PCDH11X: variants seen among roughly 807,000 people sequenced by gnomAD.
PCDH11X encodes protocadherin-11 X-linked.
In PCDH11X, 18 loss-of-function variants were observed where a neutral mutation model predicts 53.3. That is an observed-to-expected ratio of 0.34 (90% confidence interval 0.23 to 0.50). The LOEUF (loss-of-function observed/expected upper bound fraction) is 0.50. Among genes scored for constraint, PCDH11X ranks in the 20% least tolerant of loss-of-function variants. The pLI is 0.98. For missense variants in PCDH11X, 570 were observed against 1,032.4 expected (o/e 0.55, Z 6.14); for synonymous variants, 279 against 393.3 (o/e 0.71, Z 3.44).
chrX:92,121,567 G>A (rs1249805473), intron 6 of PCDH11X, among the ~76,000 whole-genome samples: 2 of 111,308 alleles, frequency 1.8e-5, no homozygotes, highest in Non-Finnish European at 3.8e-5. Context: ...TGCCATCAGT[G>A]CACACTTGTC....
chrX:92,476,113 T>A (rs1377849293), intron 10 of PCDH11X, among the ~76,000 whole-genome samples: 5 of 110,386 alleles, frequency 4.5e-5, no homozygotes, highest in Non-Finnish European at 9.5e-5. Context: ...AGTGAATGAG[T>A]CTCATGAGAT....
intron 8 of PCDH11X, among the ~76,000 whole-genome samples, chrX:92,331,329 TCTTC>T (rs1234321724): frequency 3.2e-5 from 3 of 92,787 alleles, no homozygotes; most frequent in Non-Finnish European, 6.3e-5. Context: ...CTCTTCTTCT[TCTTC>T]CTTCCTTCCT....
chrX:92,578,166 C>G (rs1923203871), intron 10 of PCDH11X, among the ~76,000 whole-genome samples: 1 of 91,212 alleles, frequency 1.1e-5, no homozygotes, highest in Non-Finnish European at 2.2e-5. Context: ...ACAATGAGAA[C>G]ACATGGACAC....
intron 10 of PCDH11X, among the ~76,000 whole-genome samples, chrX:92,604,156 T>G (rs1311073981): frequency 9.2e-6 from 1 of 108,758 alleles, no homozygotes; most frequent in East Asian, 2.9e-4. Flanking sequence ...GGAAAAGAAA[T>G]AAAAGAACAA....
At chrX:92,095,789 G>A (rs1182467373) in intron 6 of PCDH11X, among the ~76,000 whole-genome samples, 1 of 112,045 alleles carries the variant, frequency 8.9e-6, no homozygotes, top group Admixed American at 9.5e-5. Flanking sequence ...AATTGCTAAT[G>A]GATATTGATT....
chrX:92,509,334 C>T (rs5984975), intron 10 of PCDH11X, among the ~76,000 whole-genome samples: 14,380 of 110,046 alleles, frequency 0.13, 776 homozygotes, highest in African/African-American at 0.22. Flanking sequence ...GTTTTAAATC[C>T]TACAATGATT....
At chrX:92,360,461 T>C (rs1208576226) in intron 8 of PCDH11X, among the ~76,000 whole-genome samples, 3 of 110,447 alleles carry the variant, frequency 2.7e-5, no homozygotes, top group Non-Finnish European at 3.8e-5. Context: ...TTTCTCGAAA[T>C]TGGTCCTATC....
At chrX:92,612,970 C>G in intron 10 of PCDH11X, among the ~76,000 whole-genome samples, 1 of 108,838 alleles carries the variant, frequency 9.2e-6, no homozygotes, top group African/African-American at 3.3e-5. Flanking sequence ...AGATCTTTCT[C>G]TAGATCTTTA....
intron 9 of PCDH11X, among the ~76,000 whole-genome samples, chrX:92,453,923 A>G (rs1412625339): frequency 9.3e-6 from 1 of 107,747 alleles, no homozygotes; most frequent in Non-Finnish European, 1.9e-5. Flanking sequence ...AATAACAGTA[A>G]TAGTTCCGGT....
At chrX:91,965,403 T>G (rs1186793538) in intron 6 of PCDH11X, among the ~76,000 whole-genome samples, 2 of 110,627 alleles carry the variant, frequency 1.8e-5, no homozygotes, top group Non-Finnish European at 3.8e-5. Flanking sequence ...GAAAATTCCA[T>G]TTTTGACTTC....
intron 9 of PCDH11X, among the ~76,000 whole-genome samples, chrX:92,405,893 G>C (rs2071497098): frequency 9.1e-6 from 1 of 110,355 alleles, no homozygotes; most frequent in African/African-American, 3.3e-5. Flanking sequence ...AGGAGATCGA[G>C]ACCATCCTGG....
intron 6 of PCDH11X, among the ~76,000 whole-genome samples, chrX:92,170,112 C>G (rs1603099918): frequency 9.2e-6 from 1 of 109,212 alleles, no homozygotes; most frequent in Non-Finnish European, 1.9e-5. Flanking sequence ...AAATACTTCT[C>G]TCTATTTTTC....
intron 7 of PCDH11X, among the ~76,000 whole-genome samples, chrX:92,257,186 A>G (rs1400501230): frequency 9.0e-6 from 1 of 111,145 alleles, no homozygotes; most frequent in Non-Finnish European, 1.9e-5. Flanking sequence ...TATAACAACC[A>G]TATCTCCTGA....
chrX:92,211,301 C>A (rs1467565466), intron 7 of PCDH11X, among the ~76,000 whole-genome samples: 1 of 110,862 alleles, frequency 9.0e-6, no homozygotes, highest in Non-Finnish European at 1.9e-5. Flanking sequence ...AGGGGCAAGT[C>A]CTCCACACTT....
At chrX:92,560,010 G>T (rs1272593228) in intron 10 of PCDH11X, among the ~76,000 whole-genome samples, 2 of 111,192 alleles carry the variant, frequency 1.8e-5, no homozygotes, top group African/African-American at 6.5e-5. Context: ...CCTCTCCCAA[G>T]CCCAGACAGT....
intron 6 of PCDH11X, among the ~76,000 whole-genome samples, chrX:91,977,905 G>A (rs1312681592): frequency 5.4e-5 from 6 of 111,531 alleles, no homozygotes; most frequent in African/African-American, 2.0e-4. Flanking sequence ...TCCTTAGACA[G>A]TTGTAATCCA....
chrX:92,439,432 T>C (rs144869424), intron 9 of PCDH11X, among the ~76,000 whole-genome samples: 3,025 of 110,993 alleles, frequency 0.027, 69 homozygotes, highest in African/African-American at 0.077. Context: ...TCTTCCTCCA[T>C]GTAATGAATG....
chrX:92,266,483 A>C (rs1446434856), intron 8 of PCDH11X, among the ~76,000 whole-genome samples: 1 of 111,841 alleles, frequency 8.9e-6, no homozygotes, highest in Non-Finnish European at 1.9e-5. Context: ...GTACTCACCA[A>C]ATAGGACCTA....
intron 8 of PCDH11X, among the ~76,000 whole-genome samples, chrX:92,325,017 T>C (rs1408721856): frequency 2.7e-5 from 3 of 111,679 alleles, no homozygotes; most frequent in Admixed American, 9.6e-5. Context: ...TCTTTCTTTT[T>C]ATGGTTGCAT....
Sources: gnomAD v4.1 joint callset for allele counts (sites outside exome capture counted in the v4.1 genomes callset) on GRCh38, gnomAD v4.1.1 for gene constraint, MANE v1.5 for transcripts, NCBI Gene and HGNC (gene_info 2026-07-23, HGNC 2026-07-21) for gene names.